The following EXOC6B variants were observed in gnomAD, a reference collection of about 807,000 sequenced individuals.
The protein encoded by EXOC6B is SEC15 homolog B.
EXOC6B carries 54 observed loss-of-function variants against 113.5 expected under a neutral mutation model. The observed-to-expected ratio is 0.48, with a 90% CI of 0.38 to 0.60. The LOEUF is 0.60. Among genes scored for constraint, EXOC6B ranks in the 20% least tolerant of loss-of-function variants. EXOC6B has a pLI of 0.00. For missense variants in EXOC6B, 797 were observed against 977.5 expected (o/e 0.82, Z 2.46); for synonymous variants, 357 against 339.0 (o/e 1.05, Z -0.58).
chr2:72,272,702 G>C (rs1317784363), intron 20 of EXOC6B, among the ~76,000 whole-genome samples: 2 of 152,140 alleles, frequency 1.3e-5, no homozygotes, highest in Non-Finnish European at 2.9e-5. Context: ...TAAGAGTTGT[G>C]CTTCTGGATT....
intron 20 of EXOC6B, among the ~76,000 whole-genome samples, chr2:72,311,094 A>C (rs1269107598): frequency 6.6e-6 from 1 of 152,208 alleles, no homozygotes; most frequent in Non-Finnish European, 1.5e-5. Context: ...CATTGACAAG[A>C]AGAGAGGGAA....
At chr2:72,480,870 C>T (rs2105488353) in intron 16 of EXOC6B, 120 bp from the exon 17 acceptor site, 3 of 990,282 alleles carry the variant, frequency 3.0e-6, no homozygotes, top group South Asian at 3.3e-5. Flanking sequence ...CATCCACATT[C>T]GGGCAAGGGG....
At chr2:72,532,133 A>G (rs1702038955) in intron 8 of EXOC6B, among the ~76,000 whole-genome samples, 1 of 152,252 alleles carries the variant, frequency 6.6e-6, no homozygotes, top group Non-Finnish European at 1.5e-5. Flanking sequence ...TAAATGCAAC[A>G]ACATGCATGA....
rs535922103 is a variant in EXOC6B at position 72,650,667 on chromosome 2, A to C, written c.669+67436T>G. 3.9e-5 allele frequency among the ~76,000 whole-genome samples: 6 copies of C among 152,164 alleles called. No individual in the cohort carries two copies. In the Middle Eastern group the frequency reaches 0.014, roughly 345 times the overall value. On this transcript the variant is annotated intron_variant, in intron 6 of 21. Coordinates refer to ENST00000272427, the MANE Select transcript of EXOC6B (RefSeq NM_015189.3). ...AAAAAGAAAAGAAAAGAGGTAAAAGACATAGAAATATATTTACTGAAGAGG... is the reference window on the plus strand; with the variant it reads ...AAAAAGAAAAGAAAAGAGGTAAAAGCCATAGAAATATATTTACTGAAGAGG...
intron 20 of EXOC6B, among the ~76,000 whole-genome samples, chr2:72,211,991 G>A (rs1489048955): frequency 1.3e-5 from 2 of 152,022 alleles, no homozygotes; most frequent in Admixed American, 1.3e-4. Context: ...GACACAGATG[G>A]GAGTGTGTGG....
At chr2:72,473,850 T>A (rs1239709764) in intron 17 of EXOC6B, among the ~76,000 whole-genome samples, 1 of 152,130 alleles carries the variant, frequency 6.6e-6, no homozygotes, top group Non-Finnish European at 1.5e-5. Context: ...GCTTTACCAG[T>A]GAGTTTTATA....
intron 6 of EXOC6B, among the ~76,000 whole-genome samples, chr2:72,714,005 A>C (rs1229776370): frequency 2.0e-5 from 3 of 152,158 alleles, no homozygotes; most frequent in Non-Finnish European, 2.9e-5. Context: ...ATCCCTAAAA[A>C]ACCTCCAGGC....
At chr2:72,238,640 T>C (rs1343950460) in intron 20 of EXOC6B, among the ~76,000 whole-genome samples, 1 of 152,218 alleles carries the variant, frequency 6.6e-6, no homozygotes, top group Non-Finnish European at 1.5e-5. Context: ...TATTTTAATT[T>C]CCCTACTGAC....
At chr2:72,741,525 C>T in intron 1 of EXOC6B, 56 bp from the exon 2 acceptor site, 1 of 1,504,530 alleles carries the variant, frequency 6.6e-7, no homozygotes, top group Non-Finnish European at 8.9e-7. Flanking sequence ...GAAGGAAAAA[C>T]AAAATTATAA....
At chr2:72,188,625 T>G (rs1572966085) in intron 20 of EXOC6B, among the ~76,000 whole-genome samples, 2 of 152,344 alleles carry the variant, frequency 1.3e-5, no homozygotes, top group Admixed American at 1.3e-4. Flanking sequence ...TATAGTACTT[T>G]GATTTCCAGA....
chr2:72,510,336 C>T (rs1032195261), intron 11 of EXOC6B, among the ~76,000 whole-genome samples: 3 of 151,528 alleles, frequency 2.0e-5, no homozygotes, highest in African/African-American at 7.3e-5. Flanking sequence ...AAGAAATGTC[C>T]AAATACTTTT....
chr2:72,187,847 C>G (rs1421962987), intron 20 of EXOC6B, among the ~76,000 whole-genome samples: 1 of 152,194 alleles, frequency 6.6e-6, no homozygotes, highest in African/African-American at 2.4e-5. Flanking sequence ...GCCCAGGAAC[C>G]TGTCTGCTTT....
At chr2:72,304,034 T>C (rs1235378076) in intron 20 of EXOC6B, among the ~76,000 whole-genome samples, 1 of 152,210 alleles carries the variant, frequency 6.6e-6, no homozygotes, top group Non-Finnish European at 1.5e-5. Context: ...GCTGCTTCCC[T>C]GGGTGGGGGA....
intron 8 of EXOC6B, chr2:72,515,666 C>A (rs983677202): frequency 2.0e-6 from 2 of 988,686 alleles, no homozygotes; most frequent in East Asian, 1.1e-4. Flanking sequence ...TGGTGCACAG[C>A]CCCACTTTTC....
At chr2:72,393,315 C>T (rs1692504839) in intron 18 of EXOC6B, among the ~76,000 whole-genome samples, 1 of 151,934 alleles carries the variant, frequency 6.6e-6, no homozygotes, top group African/African-American at 2.4e-5. Flanking sequence ...AGGCTGGTCT[C>T]GAACTCCTGA....
chr2:72,615,655 G>C (rs1280375014), intron 6 of EXOC6B, among the ~76,000 whole-genome samples: 1 of 149,566 alleles, frequency 6.7e-6, no homozygotes, highest in South Asian at 2.1e-4. Flanking sequence ...ATTATGTATA[G>C]TATGTAATGT....
intron 8 of EXOC6B, among the ~76,000 whole-genome samples, chr2:72,537,213 C>T (rs561241740): frequency 1.4e-4 from 22 of 151,986 alleles, no homozygotes; most frequent in Non-Finnish European, 3.2e-4. Flanking sequence ...TTCTTCCTGA[C>T]TTTACTGGGA....
chr2:72,534,664 G>T (rs1029760234), intron 8 of EXOC6B, among the ~76,000 whole-genome samples: 2 of 151,992 alleles, frequency 1.3e-5, no homozygotes, highest in African/African-American at 4.8e-5. Context: ...CATAGTGATA[G>T]CTAAGAGTTT....
chr2:72,732,178 C>T (rs1027310829), intron 3 of EXOC6B, among the ~76,000 whole-genome samples: 8 of 152,078 alleles, frequency 5.3e-5, no homozygotes, highest in Non-Finnish European at 8.8e-5. Context: ...GATGGGGTCT[C>T]CCTTTGTCAC....
Sources: gnomAD v4.1 joint callset for allele counts (sites outside exome capture counted in the v4.1 genomes callset) on GRCh38, gnomAD v4.1.1 for gene constraint, MANE v1.5 for transcripts, NCBI Gene and HGNC (gene_info 2026-07-23, HGNC 2026-07-21) for gene names.